Variants in BORCS8 observed in about 807,000 individuals in gnomAD.
BORCS8 encodes the protein BLOC-1 related complex subunit 8.
A neutral mutation model predicts 18.7 loss-of-function variants in BORCS8; 13 were observed. That is an observed-to-expected ratio of 0.70 (90% confidence interval 0.45 to 1.11). The LOEUF is 1.11. Among genes scored for constraint, BORCS8 ranks in the 50% least tolerant of loss-of-function variants. The pLI, the probability that BORCS8 is intolerant of heterozygous loss-of-function variation, is 0.00. For synonymous variants in BORCS8, 68 were observed against 64.8 expected, an observed-to-expected ratio of 1.05 and a Z score of -0.24; for missense variants, 165 against 165.7, an observed-to-expected ratio of 1.00 and a Z score of 0.02.
At position 19,182,516 on chromosome 19, in the gene BORCS8, G is replaced by T; in HGVS notation, c.326+57C>A. 6.5e-7 allele frequency: 1 copy of T among 1,530,598 alleles called. No individual in the cohort carries two copies. 94.8% of individuals were successfully genotyped at this position (1,530,598 alleles called of 1,614,324 possible). On this transcript the variant is annotated intron_variant, in intron 4 of 5. Transcript: ENST00000462790. This position sits in a 1 kb window ranked among gnomAD's most constrained non-coding sequence, Gnocchi z 4.1. ...AGAAGCAGCGGTTCCCAGCGCAGCT[G>T]AGAGACGGTCCTTGCAGCTGGGAGT...
intron 4 of BORCS8, among the ~76,000 whole-genome samples, chr19:19,181,350 T>C (rs2060347898): frequency 6.6e-6 from 1 of 152,046 alleles, no homozygotes; most frequent in Admixed American, 6.6e-5. Flanking sequence ...AAGAAATATA[T>C]ATGTATGTTT....
At chr19:19,181,807 C>T in intron 4 of BORCS8, 2 of 959,256 alleles carry the variant, frequency 2.1e-6, no homozygotes, top group Non-Finnish European at 2.5e-6. Context: ...GGGGGACAGG[C>T]CTGCCAGAAC....
intron 1 of BORCS8, among the ~76,000 whole-genome samples, chr19:19,187,573 T>C (rs1385010119): frequency 6.6e-6 from 1 of 150,536 alleles, no homozygotes; most frequent in African/African-American, 2.4e-5. Flanking sequence ...AGAGTCTTGC[T>C]CTGTCATCAG....
At chr19:19,177,696 G>GGAAGGAAGGAAGGAAGGGAAA (rs1376064847) in intron 5 of BORCS8, 2 of 74,650 alleles carry the variant, frequency 2.7e-5, no homozygotes, top group African/African-American at 1.0e-4. Flanking sequence ...AAGGAAGGAA[G>GGAAGGAAGGAAGGAAGGGAAA]AGAAAAGAAA....
At chr19:19,180,852 C>G in intron 4 of BORCS8, 91 bp from the exon 5 acceptor site, 1 of 1,351,762 alleles carries the variant, frequency 7.4e-7, no homozygotes, top group Non-Finnish European at 1.0e-6. Flanking sequence ...GGGTGATACT[C>G]TGGTCTCAAA....
chr19:19,181,288 C>T (rs1281042220), intron 4 of BORCS8, among the ~76,000 whole-genome samples: 4 of 150,332 alleles, frequency 2.7e-5, no homozygotes, highest in African/African-American at 9.8e-5. Context: ...TTGCTTGAGC[C>T]CAGGGGTTTG....
rs143100077 is a variant in BORCS8, at chr19:19,190,604, C to T, written c.37+1477G>A. Among the ~76,000 whole-genome samples the T allele has an allele frequency of 4.0e-3, 610 of 152,314 alleles. 4 individuals are homozygous for T. Among genetic ancestry groups the T allele is most frequent in the African/African-American group, 0.014 (577 of 41,570 alleles). ...GGGAGTTCGACACCAGCCTGACCAA[C>T]GTGGAGAAACCCCGTTTCTACTGAA... On this transcript the variant is annotated intron_variant, in intron 1 of 5. Coordinates refer to ENST00000462790, the MANE Select transcript of BORCS8 (RefSeq NM_001145784.2).
intron 1 of BORCS8, among the ~76,000 whole-genome samples, chr19:19,188,875 T>C (rs770912429): frequency 6.6e-5 from 10 of 151,916 alleles, no homozygotes; most frequent in Non-Finnish European, 1.3e-4. Flanking sequence ...TGCTCTGTTG[T>C]CCAGGCTGGA....
chr19:19,177,698 G>GGA (rs1268943364), intron 5 of BORCS8: 1 of 39,266 alleles, frequency 2.5e-5, no homozygotes, highest in Non-Finnish European at 4.6e-5. Flanking sequence ...GGAAGGAAGA[G>GGA]AAAAGAAAAG....
At chr19:19,186,366 T>C (rs1484213738) in intron 2 of BORCS8, among the ~76,000 whole-genome samples, 1 of 152,224 alleles carries the variant, frequency 6.6e-6, no homozygotes, top group African/African-American at 2.4e-5. Context: ...AGGTCATAAC[T>C]GTAACAGAAT....
chr19:19,180,635 T>G (rs1599751413), intron 5 of BORCS8, 51 bp downstream of exon 5: 2 of 1,273,178 alleles, frequency 1.6e-6, no homozygotes, highest in African/African-American at 1.5e-5. Flanking sequence ...AGCGGGCGGG[T>G]TGGTTAGTTC....
In BORCS8 at chr19:19,182,189, G is replaced by T; in HGVS notation, c.326+384C>A. The T allele has an allele frequency of 2.2e-6, 1 of 445,586 alleles. No homozygotes were observed. Among genetic ancestry groups the T allele is most frequent in the Non-Finnish European group, 3.0e-6 (1 of 332,276 alleles). 27.6% of individuals were successfully genotyped at this position (445,586 alleles called of 1,614,324 possible). The stretch of plus-strand genomic sequence containing the variant: ...CACTGCCCCACATGGAACTCCGTCT[G>T]CCCCCGGATCGTCTCTGTCTGCATG... On this transcript the variant is annotated intron_variant, in intron 4 of 5. Transcript: ENST00000462790. This position sits in a 1 kb window ranked among gnomAD's most constrained non-coding sequence, Gnocchi z 4.1.
At chr19:19,181,369 G>C (rs1288746836) in intron 4 of BORCS8, among the ~76,000 whole-genome samples, 1 of 151,980 alleles carries the variant, frequency 6.6e-6, no homozygotes, top group African/African-American at 2.4e-5. Flanking sequence ...TTTTAAAAGT[G>C]GGACAAGGCA....
intron 1 of BORCS8, among the ~76,000 whole-genome samples, chr19:19,190,916 A>G (rs1282880872): frequency 6.6e-6 from 1 of 151,726 alleles, no homozygotes; most frequent in Non-Finnish European, 1.5e-5. Context: ...GATGGAAAAT[A>G]GGAAAAAAAA....
intron 5 of BORCS8, chr19:19,179,024 G>C (rs1198731386): frequency 2.6e-5 from 4 of 152,376 alleles, no homozygotes; most frequent in Non-Finnish European, 5.9e-5. Flanking sequence ...CGGTTCCAGG[G>C]AGAGGCGAGG....
chr19:19,181,528 G>C (rs1414462969), intron 4 of BORCS8, among the ~76,000 whole-genome samples: 3 of 152,136 alleles, frequency 2.0e-5, no homozygotes, highest in Admixed American at 2.0e-4. Flanking sequence ...GCACAAACAG[G>C]GCATATGAAA....
At chr19:19,191,984 C>A in intron 1 of BORCS8, 97 bp downstream of exon 1, 1 of 1,439,522 alleles carries the variant, frequency 6.9e-7, no homozygotes, top group Non-Finnish European at 9.5e-7. Flanking sequence ...GCAGTTCAAT[C>A]ACTGCTCCTC....
intron 2 of BORCS8, among the ~76,000 whole-genome samples, chr19:19,186,552 C>T (rs2060411184): frequency 6.6e-6 from 1 of 152,134 alleles, no homozygotes; most frequent in South Asian, 2.1e-4. Context: ...TAAGGGGCCT[C>T]CCCCTTCACT....
At position 19,188,016 on chromosome 19, in the gene BORCS8, C is replaced by CATTTATTTATTT. The variant is rs138094517; in HGVS notation, c.38-1023_38-1012dup. ...AACCACCATGCCTGGCTAGTTTTTTCATTTATTTATTTATTTATTTATTAT... is the reference window on the plus strand; with the variant it reads ...AACCACCATGCCTGGCTAGTTTTTTCATTTATTTATTTATTTATTTATTTATTTATTTATTAT... On this transcript the variant is annotated intron_variant, in intron 1 of 5. Coordinates refer to ENST00000462790, the MANE Select transcript of BORCS8 (RefSeq NM_001145784.2). Among the ~76,000 whole-genome samples, 699 of 150,650 alleles carry CATTTATTTATTT rather than the reference C, an allele frequency of 4.6e-3. 6 individuals carry two copies. The highest frequency in any genetic ancestry group is 0.016 in the African/African-American group (637 of 40,686).
Sources: allele counts gnomAD v4.1 joint callset (sites outside exome capture counted in the v4.1 genomes callset), GRCh38; gene constraint gnomAD v4.1.1; non-coding constraint Gnocchi (gnomAD v3.1); transcripts MANE v1.5; gene names NCBI Gene and HGNC (gene_info 2026-07-23, HGNC 2026-07-21).